The following MED27 variants were observed in gnomAD, a reference collection of about 807,000 sequenced individuals.
MED27 encodes the protein mediator of RNA polymerase II transcription subunit 27.
MED27 carries 30 observed loss-of-function variants against 38.2 expected under a neutral mutation model. The observed-to-expected ratio is 0.79, with a 90% confidence interval of 0.59 to 1.07. MED27 has a LOEUF of 1.07. Among genes scored for constraint, MED27 ranks in the 50% least tolerant of loss-of-function variants. MED27 has a pLI of 0.00. For synonymous variants in MED27, 122 were observed against 153.5 expected, an observed-to-expected ratio of 0.79 and a Z score of 1.52; for missense variants, 289 against 397.5, an observed-to-expected ratio of 0.73 and a Z score of 2.32.
intron 3 of MED27, among the ~76,000 whole-genome samples, chr9:132,007,077 G>A (rs892813565): frequency 6.6e-6 from 1 of 152,216 alleles, no homozygotes; most frequent in Non-Finnish European, 1.5e-5. Context: ...ATCAGTGGCC[G>A]TACCAAAGGC....
At chr9:131,886,779 C>T (rs1027708288) in intron 5 of MED27, among the ~76,000 whole-genome samples, 1 of 152,148 alleles carries the variant, frequency 6.6e-6, no homozygotes, top group Admixed American at 6.5e-5. Flanking sequence ...AAATCGGGTT[C>T]GTATTACTTT....
intron 2 of MED27, among the ~76,000 whole-genome samples, chr9:132,031,428 G>T (rs1046744254): frequency 2.6e-5 from 4 of 152,192 alleles, no homozygotes; most frequent in African/African-American, 9.7e-5. Context: ...ATCTTCCATG[G>T]CAGAGGCAAC....
At chr9:131,868,530 C>T (rs1167075710) in intron 6 of MED27, 2 of 963,974 alleles carry the variant, frequency 2.1e-6, no homozygotes, top group Admixed American at 1.2e-4. Context: ...TCTGCCTCAG[C>T]CTGACAAAGT....
rs1230987791 is a variant in MED27, at chr9:131,913,548, T to C, written c.574-19556A>G. On this transcript the variant is annotated intron_variant, in intron 4 of 7. Transcript: ENST00000292035. The surrounding 1 kb of genome is among the most constrained non-coding windows in gnomAD (Gnocchi z 4.5). ...TATTCACAGTGGCAGGGGCATACTC[T>C]TCTAGGATCAAAAGGCAAATCTCAC... is the stretch of plus-strand genomic sequence containing the variant. 6.6e-6 allele frequency among the ~76,000 whole-genome samples: 1 copy of C among 152,204 alleles called. No individual in the cohort carries two copies. The highest frequency in any genetic ancestry group is 1.5e-5 in the Non-Finnish European group (1 of 68,042).
intron 3 of MED27, among the ~76,000 whole-genome samples, chr9:131,993,230 GTTTT>G (rs34742134): frequency 6.7e-6 from 1 of 148,904 alleles, no homozygotes; most frequent in South Asian, 2.1e-4. Flanking sequence ...TGTTATTCAT[GTTTT>G]TTTTTTTTTA....
intron 2 of MED27, among the ~76,000 whole-genome samples, chr9:132,075,226 C>T (rs1439077283): frequency 6.6e-6 from 1 of 152,108 alleles, no homozygotes; most frequent in Non-Finnish European, 1.5e-5. Context: ...GAACATTGAA[C>T]CAGGTCAGGA....
At chr9:132,043,949 C>T (rs184877177) in intron 2 of MED27, among the ~76,000 whole-genome samples, 1 of 152,334 alleles carries the variant, frequency 6.6e-6, no homozygotes, top group East Asian at 1.9e-4. Context: ...GGAAATGAGA[C>T]TCATACACCG....
At chr9:131,939,239 G>A (rs989223549) in intron 4 of MED27, 142 bp downstream of exon 4, 20 of 463,096 alleles carry the variant, frequency 4.3e-5, no homozygotes, top group African/African-American at 4.0e-4. Context: ...CCTACAGAAT[G>A]CCAGTAAAGA....
At chr9:132,007,023 G>A (rs552504114) in intron 3 of MED27, among the ~76,000 whole-genome samples, 1 of 152,278 alleles carries the variant, frequency 6.6e-6, no homozygotes, top group African/African-American at 2.4e-5. Flanking sequence ...TGTGCAAGGC[G>A]GTGGCAGAAA....
At chr9:131,868,563 A>C in intron 6 of MED27, 1 of 982,956 alleles carries the variant, frequency 1.0e-6, no homozygotes, top group Non-Finnish European at 1.2e-6. Context: ...GGCGTGCGCC[A>C]CTGCGCCCGG....
At chr9:132,044,602 T>C (rs1398163144) in intron 2 of MED27, among the ~76,000 whole-genome samples, 1 of 152,246 alleles carries the variant, frequency 6.6e-6, no homozygotes. Context: ...TTTCAGTGTG[T>C]AAGCTAACTT....
At chr9:131,868,436 G>A (rs1038371752) in intron 6 of MED27, among the ~76,000 whole-genome samples, 6 of 152,322 alleles carry the variant, frequency 3.9e-5, no homozygotes, top group Admixed American at 6.5e-5. Context: ...ACGCCACCCC[G>A]CCCAGCTAAT....
intron 2 of MED27, among the ~76,000 whole-genome samples, chr9:132,035,720 T>C (rs887407971): frequency 2.6e-5 from 4 of 152,138 alleles, no homozygotes; most frequent in African/African-American, 9.7e-5. Flanking sequence ...CCCGGCACTT[T>C]TGGAGGCCAA....
intron 3 of MED27, among the ~76,000 whole-genome samples, chr9:131,989,374 A>C (rs751053098): frequency 3.3e-5 from 5 of 152,224 alleles, no homozygotes; most frequent in Non-Finnish European, 7.3e-5. Context: ...GATTTCTCCT[A>C]ACCTTTTATT....
At chr9:132,074,162 A>G (rs976094327) in intron 2 of MED27, among the ~76,000 whole-genome samples, 1 of 152,264 alleles carries the variant, frequency 6.6e-6, no homozygotes, top group Non-Finnish European at 1.5e-5. Flanking sequence ...CTATAGGTGC[A>G]TAATAGTGAA....
chr9:132,040,724 T>G (rs1356975842), intron 2 of MED27, among the ~76,000 whole-genome samples: 1 of 152,202 alleles, frequency 6.6e-6, no homozygotes, highest in African/African-American at 2.4e-5. Context: ...AGCACATCTC[T>G]GTTTCTGCCG....
intron 4 of MED27, among the ~76,000 whole-genome samples, chr9:131,921,833 T>C (rs1830397186): frequency 6.6e-6 from 1 of 152,198 alleles, no homozygotes; most frequent in South Asian, 2.1e-4. Flanking sequence ...CATGGAATAC[T>C]ATGCAGCCAT....
chr9:132,035,600 T>C (rs762246288), intron 2 of MED27, among the ~76,000 whole-genome samples: 1 of 152,054 alleles, frequency 6.6e-6, no homozygotes, highest in African/African-American at 2.4e-5. Context: ...TGCAAATGCA[T>C]CTTAGAGGCA....
At chr9:132,012,369 C>G (rs774039602) in intron 3 of MED27, among the ~76,000 whole-genome samples, 19 of 152,244 alleles carry the variant, frequency 1.2e-4, no homozygotes, top group Admixed American at 7.8e-4. Context: ...TCACTAAAAG[C>G]AGCTGTCCCT....
Sources: gnomAD v4.1 joint callset for allele counts (sites outside exome capture counted in the v4.1 genomes callset) on GRCh38, gnomAD v4.1.1 for gene constraint, Gnocchi (gnomAD v3.1) non-coding constraint, MANE v1.5 for transcripts, NCBI Gene and HGNC (gene_info 2026-07-23, HGNC 2026-07-21) for gene names.